PGM2: variants seen among roughly 807,000 people sequenced by gnomAD.
The protein encoded by PGM2 is phosphopentomutase.
A neutral mutation model predicts 74.6 loss-of-function variants in PGM2; 57 were observed. The ratio of observed to expected loss-of-function variants is 0.76; its 90% CI spans 0.62 to 0.95. The LOEUF (loss-of-function observed/expected upper bound fraction) is 0.95. Ranked by LOEUF, PGM2 falls within the 40% of genes least tolerant of loss-of-function variation. The pLI, the probability that PGM2 is intolerant of heterozygous loss-of-function variation, is 0.00. For missense variants in PGM2, 706 were observed against 741.9 expected (o/e 0.95, Z 0.56); for synonymous variants, 273 against 260.7 (o/e 1.05, Z -0.46).
intron 2 of PGM2, among the ~76,000 whole-genome samples, chr4:37,830,398 T>C (rs1326354922): frequency 6.6e-6 from 1 of 152,218 alleles, no homozygotes; most frequent in Non-Finnish European, 1.5e-5. Context: ...GATATAAGAA[T>C]GACTCGAACA....
rs199525060 is a variant in PGM2 at position 37,829,857 on chromosome 4, T to TAC, written c.82-106_82-105insCA. ...AAATTGAAAGGTCTACATATATATA[T>TAC]ATACATATATATATATTTTCTATAG... is the stretch of plus-strand genomic sequence containing the variant. On this transcript the variant is annotated intron_variant, in intron 1 of 13. Coordinates refer to ENST00000381967, the MANE Select transcript of PGM2 (RefSeq NM_018290.4). 454 of 347,196 alleles carry TAC rather than the reference T, an allele frequency of 1.3e-3. 2 individuals carry two copies. The highest frequency in any genetic ancestry group is 9.3e-3 in the African/African-American group (431 of 46,572). The allele number at this position is 347,196 out of a possible 1,614,324, so 21.5% of individuals were successfully genotyped here.
chr4:37,838,577 G>A (rs1577675000), intron 4 of PGM2, among the ~76,000 whole-genome samples: 1 of 152,152 alleles, frequency 6.6e-6, no homozygotes, highest in African/African-American at 2.4e-5. Context: ...ACAGAAGGAG[G>A]TTCCAATTCA....
rs1202149456 is a variant in PGM2 at position 37,841,100 on chromosome 4, A to ATATATATATG, written c.719+842_719+843insATATATATGT. Among the ~76,000 whole-genome samples, 357 of 115,678 alleles carry ATATATATATG rather than the reference A, an allele frequency of 3.1e-3. 4 individuals carry two copies. Among genetic ancestry groups the ATATATATATG allele is most frequent in the African/African-American group, 0.011 (300 of 27,986 alleles). The allele number at this position is 115,678 out of a possible 152,430, so 75.9% of individuals were successfully genotyped here. On this transcript the variant is annotated intron_variant, in intron 6 of 13. Coordinates refer to ENST00000381967, the MANE Select transcript of PGM2 (RefSeq NM_018290.4). Reference sequence around the variant, plus strand: ...TATATATATATATATATATATATATATGTGTGTGTGTGTGTTTGTATATGT... The same window carrying ATATATATATG: ...TATATATATATATATATATATATATATATATATATGTGTGTGTGTGTGTGTTTGTATATGT...
intron 2 of PGM2, among the ~76,000 whole-genome samples, chr4:37,830,832 A>G (rs1368632314): frequency 6.6e-6 from 1 of 152,174 alleles, no homozygotes. Context: ...TATACATCCC[A>G]GTGTAAAAGG....
At chr4:37,829,578 T>TA (rs920538259) in intron 1 of PGM2, among the ~76,000 whole-genome samples, 6 of 152,148 alleles carry the variant, frequency 3.9e-5, no homozygotes, top group African/African-American at 1.2e-4. Context: ...CTTAAAACCT[T>TA]AAAAATCGTG....
chr4:37,861,551 G>T lies in PGM2; in HGVS notation c.1778G>T (p.Ser593Ile). Reference protein sequence around the residue: ...QLKKELNELVSAIEEHFFQPQ... With the variant: ...QLKKELNELVIAIEEHFFQPQ... ...AAGAAGGAACTGAATGAACTGGTCA[G>T]TGCTATTGAAGAACATTTTTTCCAG... Residue 593 changes from serine (S) to isoleucine (I), a missense_variant, in exon 14 of 14, where the codon AGT becomes ATT. Ser to Ile is a moderately radical substitution (Grantham distance 142). Coordinates refer to ENST00000381967, the MANE Select transcript of PGM2 (RefSeq NM_018290.4). The T allele has an allele frequency of 6.2e-7, 1 of 1,613,550 alleles. No homozygotes were observed. Among genetic ancestry groups the T allele is most frequent in the Non-Finnish European group, 8.5e-7 (1 of 1,179,592 alleles).
intron 10 of PGM2, among the ~76,000 whole-genome samples, chr4:37,848,232 A>G (rs972543143): frequency 2.0e-5 from 3 of 152,238 alleles, no homozygotes; most frequent in Non-Finnish European, 1.5e-5. Context: ...AGAGATATGT[A>G]TTGACTAGGA....
rs192766576 is a variant in PGM2 at position 37,858,223 on chromosome 4, G to T, written c.1736+2482G>T. Among the ~76,000 whole-genome samples, 490 of 152,166 alleles carry T rather than the reference G, an allele frequency of 3.2e-3. 5 individuals carry two copies. The highest frequency in any genetic ancestry group is 0.011 in the African/African-American group (470 of 41,530). ...CTTTTATTATATGCATTGAAACATT[G>T]CTTCCATTTATTAAATGGGACATTA... On this transcript the variant is annotated intron_variant, in intron 13 of 13. Coordinates refer to ENST00000381967, the MANE Select transcript of PGM2 (RefSeq NM_018290.4).
chr4:37,850,412 A>C (rs1726007863), intron 12 of PGM2, 39 bp downstream of exon 12: 1 of 1,135,852 alleles, frequency 8.8e-7, no homozygotes, highest in Admixed American at 3.0e-5. Context: ...CCTCTTTTCT[A>C]TTTACCTTTT....
rs141825123 is a variant in PGM2 at position 37,850,307 on chromosome 4, A to C, written c.1536A>C (p.Lys512Asn). The change falls in exon 12 of 14, where the codon AAA becomes AAC. Residue 512 changes from lysine (K) to asparagine (N), a missense_variant. Coordinates refer to ENST00000381967, the MANE Select transcript of PGM2 (RefSeq NM_018290.4). ...GKNNYPKACG[K>N]FEISAIRDLT... The stretch of plus-strand genomic sequence containing the variant: ...ATAATTATCCAAAAGCTTGTGGCAA[A>C]TTTGAAATTTCTGCCATTAGGGACC... 12 of 1,591,818 alleles carry C rather than the reference A, an allele frequency of 7.5e-6. No homozygotes were observed. The South Asian group carries it at 1.2e-4, about 15-fold the overall frequency.
chr4:37,837,663 G>A (rs745378434), intron 4 of PGM2, 50 bp downstream of exon 4: 15 of 1,160,582 alleles, frequency 1.3e-5, no homozygotes, highest in Non-Finnish European at 1.3e-6. Flanking sequence ...TCAGGGATGG[G>A]ACTTGGCTGA....
At chr4:37,837,251 G>A (rs1335198098) in intron 3 of PGM2, among the ~76,000 whole-genome samples, 1 of 152,194 alleles carries the variant, frequency 6.6e-6, no homozygotes, top group Non-Finnish European at 1.5e-5. Flanking sequence ...GAAGCAGCCT[G>A]GCTCTGCCAC....
rs76840726 is a variant in PGM2, at chr4:37,857,573, T to C, written c.1736+1832T>C. On this transcript the variant is annotated intron_variant, in intron 13 of 13. Transcript: ENST00000381967. ...CTCCATGAGTTTATCATGAGGGAAA[T>C]AGCATTCTACACCCAAGTGAGCCCA... is the stretch of plus-strand genomic sequence containing the variant. Among the ~76,000 whole-genome samples, 2,022 of 152,100 alleles carry C rather than the reference T, an allele frequency of 0.013. 161 individuals are homozygous for C. In the East Asian group the frequency reaches 0.22, roughly 17 times the overall value.
At chr4:37,844,212 A>AAT (rs3836691) in intron 6 of PGM2, 152 bp from the exon 7 acceptor site, 236,615 of 498,986 alleles carry the variant, frequency 0.47, 59,073 homozygotes, top group Non-Finnish European at 0.56. Context: ...TGAGGGAAGG[A>AAT]ATATATATAT....
chr4:37,830,984 A>G (rs1725426964), intron 2 of PGM2, among the ~76,000 whole-genome samples: 1 of 152,034 alleles, frequency 6.6e-6, no homozygotes, highest in Admixed American at 6.6e-5. Flanking sequence ...ACTTGAGCCT[A>G]GGAGTTCATG....
chr4:37,855,439 C>CA (rs1726167907), intron 12 of PGM2, among the ~76,000 whole-genome samples, 169 bp from the exon 13 acceptor site: 1 of 152,180 alleles, frequency 6.6e-6, no homozygotes. Context: ...AAATTACTAT[C>CA]GTTTAGTATT....
chr4:37,837,751 C>T (rs1725605461), intron 4 of PGM2, 138 bp downstream of exon 4: 1 of 667,204 alleles, frequency 1.5e-6, no homozygotes, highest in East Asian at 2.6e-5. Flanking sequence ...GAGACATTTC[C>T]TTCTCTCCTG....
chr4:37,843,410 C>G (rs946914592), intron 6 of PGM2, among the ~76,000 whole-genome samples: 3 of 152,062 alleles, frequency 2.0e-5, no homozygotes, highest in Non-Finnish European at 4.4e-5. Context: ...TTCATTTATT[C>G]ATTCCCAAAA....
rs541207553 is a variant in PGM2, at chr4:37,847,330, G to A, written c.1282+35G>A. 11 of 1,463,482 alleles carry A rather than the reference G, an allele frequency of 7.5e-6. No individual in the cohort carries two copies. In the South Asian group the frequency reaches 1.0e-4, roughly 14 times the overall value. The allele number at this position is 1,463,482 out of a possible 1,614,324, so 90.7% of individuals were successfully genotyped here. On this transcript the variant is annotated intron_variant, in intron 10 of 13. Coordinates refer to ENST00000381967, the MANE Select transcript of PGM2 (RefSeq NM_018290.4). The stretch of plus-strand genomic sequence containing the variant: ...GATCATGAACATTAAGGAATTGGCT[G>A]CAAGGCAAAAGGAAAAGGTTTGGAT...
Sources: gnomAD v4.1 joint callset for allele counts (sites outside exome capture counted in the v4.1 genomes callset) on GRCh38, gnomAD v4.1.1 for gene constraint, MANE v1.5 for transcripts, NCBI Gene and HGNC (gene_info 2026-07-23, HGNC 2026-07-21) for gene names.